Variants in STAM observed in about 807,000 individuals in gnomAD.
STAM encodes signal transducing adapter molecule 1.
In STAM, 16 loss-of-function variants were observed where a neutral mutation model predicts 63.4. The ratio of observed to expected loss-of-function variants is 0.25; its 90% CI spans 0.17 to 0.38. The LOEUF (loss-of-function observed/expected upper bound fraction) is 0.38. Among genes scored for constraint, STAM ranks in the 10% least tolerant of loss-of-function variants. The pLI, the probability that STAM is intolerant of heterozygous loss-of-function variation, is 1.00. For synonymous variants in STAM, 238 were observed against 223.9 expected (o/e 1.06, Z -0.56); for missense variants, 636 against 657.1 (o/e 0.97, Z 0.35).
At chr10:17,665,541 A>G (rs1834341806) in intron 2 of STAM, among the ~76,000 whole-genome samples, 1 of 152,002 alleles carries the variant, frequency 6.6e-6, no homozygotes. Flanking sequence ...ATCGTTACTT[A>G]TTGACTACTT....
intron 13 of STAM, among the ~76,000 whole-genome samples, chr10:17,714,324 T>A (rs2131710616): frequency 6.7e-6 from 1 of 149,628 alleles, no homozygotes; most frequent in Non-Finnish European, 1.5e-5. Flanking sequence ...CCCCCCCAAC[T>A]TTTTTTACAC....
At chr10:17,680,715 G>C (rs1835052332) in intron 2 of STAM, among the ~76,000 whole-genome samples, 1 of 152,124 alleles carries the variant, frequency 6.6e-6, no homozygotes, top group African/African-American at 2.4e-5. Context: ...CCTTGATTTT[G>C]ACTACTCTTA....
chr10:17,650,614 C>T (rs1051115954), intron 1 of STAM, among the ~76,000 whole-genome samples: 1 of 152,154 alleles, frequency 6.6e-6, no homozygotes, highest in Non-Finnish European at 1.5e-5. Context: ...ACCGAATATG[C>T]CCTCAAGGAT....
intron 2 of STAM, among the ~76,000 whole-genome samples, chr10:17,683,128 G>A (rs1414599946): frequency 6.6e-6 from 1 of 152,058 alleles, no homozygotes; most frequent in African/African-American, 2.4e-5. Context: ...TGTCTTTTGT[G>A]TATCAATCAA....
intron 1 of STAM, among the ~76,000 whole-genome samples, chr10:17,648,486 C>T (rs1201690632): frequency 6.6e-6 from 1 of 152,098 alleles, no homozygotes; most frequent in African/African-American, 2.4e-5. Context: ...TTCTTTCACT[C>T]TGCACAATAA....
intron 2 of STAM, among the ~76,000 whole-genome samples, chr10:17,667,754 C>G (rs1834455585): frequency 6.6e-6 from 1 of 152,210 alleles, no homozygotes; most frequent in Non-Finnish European, 1.5e-5. Context: ...TACGTTTATG[C>G]TATAATTTTA....
Position 17,716,377 on chromosome 10 carries a change from T to G in STAM, c.*1597T>G, listed in dbSNP as rs1457036923. The stretch of plus-strand genomic sequence containing the variant: ...AGTTTTAAATCTGAGCCTGTGAAAT[T>G]AGTCACCTGTAAGATTACTTAAGGG... On this transcript the variant is annotated 3_prime_UTR_variant, in exon 14 of 14. Coordinates refer to ENST00000377524, the MANE Select transcript of STAM (RefSeq NM_003473.4). Among the ~76,000 whole-genome samples the G allele has an allele frequency of 6.6e-6, 1 of 150,498 alleles. No individual in the cohort carries two copies. The highest frequency in any genetic ancestry group is 2.4e-5 in the African/African-American group (1 of 40,960).
chr10:17,694,219 A>G (rs1554827156), intron 6 of STAM, among the ~76,000 whole-genome samples: 1 of 152,034 alleles, frequency 6.6e-6, no homozygotes, highest in Non-Finnish European at 1.5e-5. Context: ...ATAATGGTGT[A>G]TTTTATCAAG....
At chr10:17,645,102 A>G (rs55813629) in intron 1 of STAM, among the ~76,000 whole-genome samples, 92 of 152,330 alleles carry the variant, frequency 6.0e-4, no homozygotes, top group African/African-American at 2.2e-3. Flanking sequence ...TGTCAATTCA[A>G]TAGGTTTGCT....
chr10:17,697,645 A>C lies in STAM; in HGVS notation c.823+776A>C, dbSNP rs74118014. On this transcript the variant is annotated intron_variant, in intron 8 of 13. Transcript: ENST00000377524. ...GTGAGAGACAGTTTACTATATTTCT[A>C]CATAATATTGTGCTTTAATGAATCT... Among the ~76,000 whole-genome samples, 1,003 of 152,336 alleles carry C rather than the reference A, an allele frequency of 6.6e-3. 9 individuals are homozygous for C. Among genetic ancestry groups the C allele is most frequent in the African/African-American group, 0.023 (947 of 41,576 alleles).
In STAM at chr10:17,644,462, C is replaced by A. The variant is rs868919324; in HGVS notation, c.40+83C>A. On this transcript the variant is annotated intron_variant, in intron 1 of 13. Transcript: ENST00000377524. ...AGCCCCTGCCTGCATTCAGGACCCT[C>A]GGGCCAGGGCCAAGGAAGAGCTCGC... 6 of 1,543,446 alleles carry A rather than the reference C, an allele frequency of 3.9e-6. No homozygotes were observed. In the Admixed American group the frequency reaches 7.0e-5, roughly 18 times the overall value.
chr10:17,660,617 G>A lies in STAM; in HGVS notation c.125+69G>A, dbSNP rs12243199. On this transcript the variant is annotated intron_variant, in intron 2 of 13. Coordinates refer to ENST00000377524, the MANE Select transcript of STAM (RefSeq NM_003473.4). ...AAAAACACGAAAGGCCAGGTGCAGTGGCTTGCACCTGTAGGCCCAGCCCCT... is the reference window on the plus strand; with the variant it reads ...AAAAACACGAAAGGCCAGGTGCAGTAGCTTGCACCTGTAGGCCCAGCCCCT... The A allele has an allele frequency of 1.2e-3, 1,454 of 1,233,640 alleles. 11 individuals carry two copies. The African/African-American group carries it at 0.019, about 16-fold the overall frequency. 76.4% of individuals were successfully genotyped at this position (1,233,640 alleles called of 1,614,324 possible). A position where few individuals can be genotyped will look rare whatever the true frequency, so the allele number is the denominator to read the frequency against.
At chr10:17,663,672 A>G (rs1019372537) in intron 2 of STAM, among the ~76,000 whole-genome samples, 7 of 152,272 alleles carry the variant, frequency 4.6e-5, no homozygotes, top group African/African-American at 1.7e-4. Flanking sequence ...TGTGTGCATA[A>G]ATGGGATATC....
At chr10:17,670,833 G>T (rs1554823993) in intron 2 of STAM, among the ~76,000 whole-genome samples, 2 of 142,050 alleles carry the variant, frequency 1.4e-5, no homozygotes, top group African/African-American at 2.6e-5. Context: ...TTTGATATTT[G>T]TACTCTATAT....
rs572097983 is a variant in STAM, at chr10:17,666,619, G to C, written c.125+6071G>C. On this transcript the variant is annotated intron_variant, in intron 2 of 13. Transcript: ENST00000377524. ...TCACCGTGTTAGCCAGGATGGTCTC[G>C]ATATCCTGACCTTGTGATCTGCCCG... is the stretch of plus-strand genomic sequence containing the variant. 2.8e-4 allele frequency among the ~76,000 whole-genome samples: 43 copies of C among 152,000 alleles called. No individual in the cohort carries two copies. In the South Asian group the frequency reaches 4.4e-3, roughly 15 times the overall value.
At chr10:17,711,057 C>T (rs1289604793) in intron 13 of STAM, among the ~76,000 whole-genome samples, 1 of 152,122 alleles carries the variant, frequency 6.6e-6, no homozygotes, top group Non-Finnish European at 1.5e-5. Context: ...TAGAGGTGTC[C>T]TGCGTATTTG....
Position 17,705,616 on chromosome 10 carries a change from G to A in STAM, c.1084G>A (p.Val362Met). Residue 362 changes from valine (V) to methionine (M), a missense_variant, in exon 12 of 14, where the codon GTG becomes ATG. By Grantham distance (21) the Val-to-Met change is conservative. This residue lies in a region of STAM where 532 missense variants were observed against 536.9 expected (regional missense o/e 0.99). Transcript: ENST00000377524. Reference sequence around the variant, plus strand: ...ACATTCAGAACTCTCAGAACTTAATGTGAAAGTGATGGAGGCCCTTTCCTT... The same window carrying A: ...ACATTCAGAACTCTCAGAACTTAATATGAAAGTGATGGAGGCCCTTTCCTT... ...RKHSELSELN[V>M]KVMEALSLYT... is the part of the protein sequence containing the mutation. 1 of 1,613,330 alleles carries A rather than the reference G, an allele frequency of 6.2e-7. No individual in the cohort carries two copies. Among genetic ancestry groups the A allele is most frequent in the African/African-American group, 1.3e-5 (1 of 75,000 alleles).
chr10:17,705,752 A>T lies in STAM; in HGVS notation c.1209+11A>T. ...GTTTCTGGTTCTCAGGTAAGCTTTT[A>T]GAAGCCCATGTTGTTTTAAATTCTC... On this transcript the variant is annotated intron_variant, in intron 12 of 13. Coordinates refer to ENST00000377524, the MANE Select transcript of STAM (RefSeq NM_003473.4). 6.2e-7 allele frequency: 1 copy of T among 1,609,222 alleles called. No homozygotes were observed. Among genetic ancestry groups the T allele is most frequent in the Non-Finnish European group, 8.5e-7 (1 of 1,178,338 alleles).
rs117980016 is a variant in STAM, at chr10:17,665,512, A to G, written c.125+4964A>G. 7.4e-3 allele frequency among the ~76,000 whole-genome samples: 1,128 copies of G among 152,136 alleles called. 6 individuals carry two copies. The highest frequency in any genetic ancestry group is 0.011 in the Admixed American group (175 of 15,274). On this transcript the variant is annotated intron_variant, in intron 2 of 13. Transcript: ENST00000377524. Reference sequence around the variant, plus strand: ...AAGAATGTTGTATATATTCTTCTGCATTTATTACTTAATTACTTATCGTTA... The same window carrying G: ...AAGAATGTTGTATATATTCTTCTGCGTTTATTACTTAATTACTTATCGTTA...
Sources: gnomAD v4.1 joint callset for allele counts (sites outside exome capture counted in the v4.1 genomes callset) on GRCh38, gnomAD v4.1.1 for gene constraint, gnomAD v4.1.1 regional missense constraint, MANE v1.5 for transcripts, NCBI Gene and HGNC (gene_info 2026-07-23, HGNC 2026-07-21) for gene names.